Variants in ZFHX3 observed in about 807,000 individuals in gnomAD.
The protein encoded by ZFHX3 is zinc finger homeobox protein 3.
Under a neutral mutation model 279.1 loss-of-function variants are expected in ZFHX3, and 42 were observed. The observed-to-expected ratio is 0.15, with a 90% CI of 0.12 to 0.19. The LOEUF is 0.19. Ranked by LOEUF, ZFHX3 falls within the 10% of genes least tolerant of loss-of-function variation. ZFHX3 has a pLI of 1.00. For synonymous variants in ZFHX3, 2,293 were observed against 1,957.8 expected (o/e 1.17, Z -4.52); for missense variants, 4,981 against 4,754.0 (o/e 1.05, Z -1.40).
At chr16:73,088,596 A>G (rs1966037486) in intron 8 of ZFHX3, among the ~76,000 whole-genome samples, 1 of 152,220 alleles carries the variant, frequency 6.6e-6, no homozygotes, top group Non-Finnish European at 1.5e-5. Flanking sequence ...TGGCAGAATG[A>G]GGATTAGAGT....
At chr16:73,478,342 G>A (rs187305610) in intron 2 of ZFHX3, among the ~76,000 whole-genome samples, 1 of 151,696 alleles carries the variant, frequency 6.6e-6, no homozygotes, top group Non-Finnish European at 1.5e-5. Flanking sequence ...TTGAACCCTG[G>A]ACCCTCAGAT....
At chr16:73,463,870 C>T (rs1240081722) in intron 2 of ZFHX3, among the ~76,000 whole-genome samples, 3 of 152,178 alleles carry the variant, frequency 2.0e-5, no homozygotes, top group African/African-American at 7.2e-5. Context: ...GAAAATGGTC[C>T]GCAGTGACTC....
At chr16:72,802,278 G>GA (rs1041563837) in intron 7 of ZFHX3, among the ~76,000 whole-genome samples, 48 of 146,530 alleles carry the variant, frequency 3.3e-4, no homozygotes, top group Non-Finnish European at 6.0e-4. Context: ...CGGCAAAAAA[G>GA]AAAAAAAAAA....
rs1267020019 is a variant in ZFHX3, at chr16:72,796,019, C to T, written c.6663G>A (p.Glu2221=). 1.2e-6 allele frequency: 2 copies of T among 1,614,030 alleles called. No individual in the cohort carries two copies. Among genetic ancestry groups the T allele is most frequent in the African/African-American group, 1.3e-5 (1 of 74,906 alleles). ...FSNPPITSLE[E]LKIDSRPPSP... ...AAGGGGGCCGGGAGTCAATCTTGAGCTCCTCCAGGCTGGTGATAGGAGGAT... is the reference window on the plus strand; with the variant it reads ...AAGGGGGCCGGGAGTCAATCTTGAGTTCCTCCAGGCTGGTGATAGGAGGAT... The change falls in exon 9 of 10, where the codon GAG becomes GAA. Residue 2221 remains glutamate (E), a synonymous_variant. Transcript: ENST00000268489.
At chr16:73,723,076 C>T (rs1304356314) in intron 1 of ZFHX3, among the ~76,000 whole-genome samples, 3 of 152,264 alleles carry the variant, frequency 2.0e-5, no homozygotes, top group African/African-American at 7.2e-5. Context: ...ACTCGCCATC[C>T]ATTTTACCAA....
intron 2 of ZFHX3, among the ~76,000 whole-genome samples, chr16:73,548,021 C>T (rs2143765095): frequency 6.6e-6 from 1 of 152,310 alleles, no homozygotes; most frequent in East Asian, 1.9e-4. Flanking sequence ...GCTCTGTAAC[C>T]ACACTTACAC....
chr16:72,900,064 T>G (rs2038994175), intron 3 of ZFHX3, among the ~76,000 whole-genome samples: 1 of 131,842 alleles, frequency 7.6e-6, no homozygotes, highest in Non-Finnish European at 1.5e-5. Context: ...TTACAAGAAG[T>G]GCAAAACTTG....
intron 5 of ZFHX3, among the ~76,000 whole-genome samples, chr16:73,168,211 T>TTTTA (rs71391499): frequency 1.7e-3 from 159 of 95,312 alleles, no homozygotes; most frequent in African/African-American, 6.0e-3. Context: ...GTTTCTTTTG[T>TTTTA]TTTCTTTCTT....
At chr16:73,800,489 T>A (rs1960113990) in intron 1 of ZFHX3, among the ~76,000 whole-genome samples, 1 of 152,240 alleles carries the variant, frequency 6.6e-6, no homozygotes, top group Admixed American at 6.5e-5. Flanking sequence ...AGAGCTGCGA[T>A]TACAGGCATG....
intron 4 of ZFHX3, among the ~76,000 whole-genome samples, chr16:73,273,020 A>G (rs2014193706): frequency 6.6e-6 from 1 of 152,118 alleles, no homozygotes; most frequent in African/African-American, 2.4e-5. Context: ...GTGCTGAGAT[A>G]ACATGTGTGA....
chr16:73,196,154 T>TG (rs1449639564), intron 5 of ZFHX3, among the ~76,000 whole-genome samples: 3 of 151,498 alleles, frequency 2.0e-5, no homozygotes, highest in Admixed American at 6.6e-5. Flanking sequence ...GAAATAGTTT[T>TG]TTTTTTTTTT....
chr16:73,238,538 T>C (rs2013022027), intron 5 of ZFHX3, among the ~76,000 whole-genome samples: 1 of 152,226 alleles, frequency 6.6e-6, no homozygotes, highest in African/African-American at 2.4e-5. Context: ...ATTTTCCTAG[T>C]GGCTTTTCCA....
chr16:72,905,150 T>G (rs1489504327), intron 3 of ZFHX3, among the ~76,000 whole-genome samples: 1 of 152,178 alleles, frequency 6.6e-6, no homozygotes, highest in African/African-American at 2.4e-5. Flanking sequence ...CTTTCTTTTG[T>G]GTAGATGCTT....
chr16:73,779,048 G>A (rs573450986), intron 1 of ZFHX3, among the ~76,000 whole-genome samples: 80 of 152,300 alleles, frequency 5.3e-4, no homozygotes, highest in African/African-American at 1.9e-3. Flanking sequence ...TCCGCCCTAG[G>A]GTGGGGGTGG....
chr16:73,097,056 C>G (rs1966172997), intron 7 of ZFHX3, among the ~76,000 whole-genome samples: 1 of 151,878 alleles, frequency 6.6e-6, no homozygotes, highest in Non-Finnish European at 1.5e-5. Flanking sequence ...CCCTCCTTCC[C>G]TCCCTTCCTT....
chr16:73,571,450 G>C (rs1320546795), intron 2 of ZFHX3, among the ~76,000 whole-genome samples: 1 of 152,076 alleles, frequency 6.6e-6, no homozygotes, highest in African/African-American at 2.4e-5. Context: ...GTAATCTTCA[G>C]GCTAAATGAT....
chr16:73,852,868 A>C (rs1179086982), intron 1 of ZFHX3, among the ~76,000 whole-genome samples: 1 of 152,248 alleles, frequency 6.6e-6, no homozygotes, highest in African/African-American at 2.4e-5. Flanking sequence ...ATAACAGAGC[A>C]AACAGACAAC....
chr16:73,110,837 T>G (rs1966363689), intron 7 of ZFHX3, among the ~76,000 whole-genome samples: 13 of 152,220 alleles, frequency 8.5e-5, no homozygotes, highest in Admixed American at 8.5e-4. Flanking sequence ...TTGCTGGGAT[T>G]ATAGGTGTGA....
At chr16:73,874,706 G>C (rs926767068) in intron 1 of ZFHX3, among the ~76,000 whole-genome samples, 3 of 152,022 alleles carry the variant, frequency 2.0e-5, no homozygotes, top group African/African-American at 7.3e-5. Context: ...CACCACCCAC[G>C]TTTAAAAAAT....
Sources: allele counts gnomAD v4.1 joint callset (sites outside exome capture counted in the v4.1 genomes callset), GRCh38; gene constraint gnomAD v4.1.1; transcripts MANE v1.5; gene names NCBI Gene and HGNC (gene_info 2026-07-23, HGNC 2026-07-21).